Variants in INSYN2A observed in about 807,000 individuals in gnomAD.
INSYN2A encodes family with sequence similarity 196 member A.
In INSYN2A, 17 loss-of-function variants were observed where a neutral mutation model predicts 39.4. The observed-to-expected ratio is 0.43, with a 90% CI of 0.30 to 0.65. INSYN2A has a LOEUF of 0.65. INSYN2A is among the 30% of genes least tolerant of loss of function. The pLI is 0.14. For synonymous variants in INSYN2A, 255 were observed against 265.7 expected, an observed-to-expected ratio of 0.96 and a Z score of 0.39; for missense variants, 595 against 631.2, an observed-to-expected ratio of 0.94 and a Z score of 0.61.
At chr10:127,172,132 G>A (rs910336286) in intron 4 of INSYN2A, among the ~76,000 whole-genome samples, 2 of 152,118 alleles carry the variant, frequency 1.3e-5, no homozygotes, top group Admixed American at 6.6e-5. Flanking sequence ...ACCATGAGAT[G>A]CAACTAAAAT....
intron 4 of INSYN2A, among the ~76,000 whole-genome samples, chr10:127,170,838 T>G (rs2054506952): frequency 6.6e-6 from 1 of 152,212 alleles, no homozygotes; most frequent in Admixed American, 6.5e-5. Context: ...AGCATAATAC[T>G]AAGAGCTCTG....
At chr10:127,163,155 G>A (rs1447116549) in intron 4 of INSYN2A, among the ~76,000 whole-genome samples, 3 of 152,140 alleles carry the variant, frequency 2.0e-5, no homozygotes, top group African/African-American at 4.8e-5. Flanking sequence ...TCTGTCCTAT[G>A]GGACTGGGCA....
intron 4 of INSYN2A, among the ~76,000 whole-genome samples, chr10:127,166,338 T>A (rs1436171802): frequency 2.6e-5 from 4 of 152,080 alleles, no homozygotes; most frequent in African/African-American, 9.7e-5. Context: ...GTGCTGGGAT[T>A]ACAGGCGTGA....
intron 4 of INSYN2A, among the ~76,000 whole-genome samples, chr10:127,160,008 C>T (rs2053451318): frequency 6.6e-6 from 1 of 152,134 alleles, no homozygotes; most frequent in African/African-American, 2.4e-5. Context: ...TGCAAGCTTT[C>T]TTCCCGGCCA....
chr10:127,175,245 T>C lies in INSYN2A; in HGVS notation c.1151A>G (p.Gln384Arg). 3 of 1,614,090 alleles carry C rather than the reference T, an allele frequency of 1.9e-6. No individual in the cohort carries two copies. Among genetic ancestry groups the C allele is most frequent in the Non-Finnish European group, 2.5e-6 (3 of 1,179,986 alleles). ...ATGGGCCTCTCCTTTTTCCAACTCC[T>C]GAATGACCCCCAAGAGCACTTTGAT... The part of the protein sequence containing the change: ...ETIKVLLGVI[Q>R]ELEKGEAHRE... The change falls in exon 4 of 6, where the codon CAG becomes CGG. Residue 384 changes from glutamine to arginine, a missense_variant. Physicochemically the swap from Gln to Arg is conservative, Grantham distance 43 (BLOSUM62 1). Coordinates refer to ENST00000522781, the MANE Select transcript of INSYN2A (RefSeq NM_001039762.3). This position sits in a 1 kb window ranked among gnomAD's most constrained non-coding sequence, Gnocchi z 6.3.
intron 5 of INSYN2A, among the ~76,000 whole-genome samples, chr10:127,143,860 A>G (rs2051519035): frequency 6.6e-6 from 1 of 152,124 alleles, no homozygotes; most frequent in Admixed American, 6.5e-5. Context: ...TTCTGAACAC[A>G]TCTCCGTGTG....
intron 4 of INSYN2A, among the ~76,000 whole-genome samples, chr10:127,159,722 G>A (rs2053418448): frequency 6.6e-6 from 1 of 152,126 alleles, no homozygotes; most frequent in South Asian, 2.1e-4. Context: ...ATCACGGGTA[G>A]ACATTTGAAA....
At chr10:127,187,740 A>AAGAAAGAGAGAAAGAG (rs149634916) in intron 2 of INSYN2A, among the ~76,000 whole-genome samples, 1 of 150,716 alleles carries the variant, frequency 6.6e-6, no homozygotes, top group Non-Finnish European at 1.5e-5. Context: ...GAAAGAAAGA[A>AAGAAAGAGAGAAAGAG]AGAAAGAGAG....
intron 2 of INSYN2A, among the ~76,000 whole-genome samples, chr10:127,189,044 C>T (rs922376259): frequency 1.3e-5 from 2 of 152,096 alleles, no homozygotes; most frequent in African/African-American, 2.4e-5. Flanking sequence ...AGTACACAGC[C>T]CTGGTGATGA....
At chr10:127,154,172 T>C (rs1382306999) in intron 4 of INSYN2A, among the ~76,000 whole-genome samples, 1 of 152,228 alleles carries the variant, frequency 6.6e-6, no homozygotes, top group Non-Finnish European at 1.5e-5. Flanking sequence ...AAGTAAATAA[T>C]ATGATTTCGT....
intron 4 of INSYN2A, among the ~76,000 whole-genome samples, chr10:127,173,361 G>A (rs2054760077): frequency 6.6e-6 from 1 of 152,172 alleles, no homozygotes; most frequent in Admixed American, 6.5e-5. Flanking sequence ...TTAGTAAACT[G>A]AGAACCACAC....
chr10:127,171,387 C>T (rs926586657), intron 4 of INSYN2A, among the ~76,000 whole-genome samples: 3 of 152,192 alleles, frequency 2.0e-5, no homozygotes, highest in African/African-American at 4.8e-5. Context: ...ACATACATTG[C>T]CCAGGGCCAT....
intron 2 of INSYN2A, among the ~76,000 whole-genome samples, chr10:127,187,714 A>C (rs1014752652): frequency 1.6e-3 from 235 of 144,752 alleles, no homozygotes; most frequent in African/African-American, 5.6e-3. Flanking sequence ...ATTAAAAAAC[A>C]AGGAGAAGAA....
chr10:127,175,603 C>G lies in INSYN2A; in HGVS notation c.793G>C (p.Ala265Pro). 6.2e-7 allele frequency: 1 copy of G among 1,612,492 alleles called. No homozygotes were observed. The highest frequency in any genetic ancestry group is 8.5e-7 in the Non-Finnish European group (1 of 1,179,896). Reference sequence around the variant, plus strand: ...GAGTCTGACAAACCAGGCTCGGGGGCCCTGGCACTGAGGGCAGGTGCGTAA... The same window carrying G: ...GAGTCTGACAAACCAGGCTCGGGGGGCCTGGCACTGAGGGCAGGTGCGTAA... The part of the protein sequence containing the change: ...TVYAPALSAR[A>P]PEPGLSDSAA... The change falls in exon 4 of 6, where the codon GCC becomes CCC. Residue 265 changes from alanine to proline, a missense_variant. By Grantham distance (27) the Ala-to-Pro change is conservative. Around this residue, in one of 2 missense-constraint regions of INSYN2A, gnomAD observed 478 missense variants for 467.4 expected, o/e 1.02. Transcript: ENST00000522781. This position sits in a 1 kb window ranked among gnomAD's most constrained non-coding sequence, Gnocchi z 6.3.
In INSYN2A at chr10:127,137,942, C is replaced by G. The variant is rs369230046; in HGVS notation, c.1335G>C (p.Gln445His). The G allele has an allele frequency of 6.2e-7, 1 of 1,613,996 alleles. No homozygotes were observed. Among genetic ancestry groups the G allele is most frequent in the African/African-American group, 1.3e-5 (1 of 74,902 alleles). The change falls in exon 6 of 6, where the codon CAG becomes CAC. Residue 445 changes from glutamine (Q) to histidine (H), a missense_variant. This residue lies in a region of INSYN2A where 117 missense variants were observed against 163.8 expected (regional missense o/e 0.71). Transcript: ENST00000522781. ...LRKLHPIEET[Q>H]VIPSPYSQET... ...CCTGAGAGTAAGGCGAAGGTATGAC[C>G]TGAGTTTCCTCAATAGGGTGGAGTT...
intron 5 of INSYN2A, among the ~76,000 whole-genome samples, chr10:127,151,774 G>T (rs893727609): frequency 1.3e-5 from 2 of 152,184 alleles, no homozygotes; most frequent in Non-Finnish European, 2.9e-5. Flanking sequence ...TTCCTGTGGT[G>T]CTTGGTCACT....
chr10:127,173,816 A>G (rs571910114), intron 4 of INSYN2A, among the ~76,000 whole-genome samples: 57 of 152,314 alleles, frequency 3.7e-4, no homozygotes, highest in African/African-American at 1.3e-3. Flanking sequence ...TGTAAACCCA[A>G]GATTGAACAA....
intron 5 of INSYN2A, among the ~76,000 whole-genome samples, chr10:127,148,136 T>C (rs1307737958): frequency 2.0e-5 from 3 of 149,114 alleles, no homozygotes; most frequent in Non-Finnish European, 3.0e-5. Context: ...TTTCACAAGC[T>C]CCCCCTCTCT....
chr10:127,182,058 C>A (rs930718094), intron 2 of INSYN2A, among the ~76,000 whole-genome samples: 3 of 152,104 alleles, frequency 2.0e-5, no homozygotes, highest in African/African-American at 7.2e-5. Context: ...CTGAGCAATG[C>A]GTGAGGAACT....
Sources: allele counts gnomAD v4.1 joint callset (sites outside exome capture counted in the v4.1 genomes callset), GRCh38; gene constraint gnomAD v4.1.1; regional missense constraint gnomAD v4.1.1; non-coding constraint Gnocchi (gnomAD v3.1); transcripts MANE v1.5; gene names NCBI Gene and HGNC (gene_info 2026-07-23, HGNC 2026-07-21).